The following NAV3 variants were observed in gnomAD, a reference collection of about 807,000 sequenced individuals.
NAV3 encodes neuron navigator 3, also known as pore membrane and/or filament interacting like protein 1.
Under a neutral mutation model 244.7 loss-of-function variants are expected in NAV3, and 87 were observed. The observed-to-expected ratio is 0.36, with a 90% CI of 0.30 to 0.42. The LOEUF is 0.42. NAV3 is among the 20% of genes least tolerant of loss of function. NAV3 has a pLI of 1.00. For synonymous variants in NAV3, 1,126 were observed against 1,042.2 expected (o/e 1.08, Z -1.55); for missense variants, 2,663 against 2,893.3 (o/e 0.92, Z 1.83).
chr12:77,791,944 C>G (rs539026298), intron 2 of NAV3, among the ~76,000 whole-genome samples: 1 of 152,286 alleles, frequency 6.6e-6, no homozygotes, highest in East Asian at 1.9e-4. Context: ...CATTTTATAT[C>G]AGAGACTTGA....
At chr12:77,981,969 G>A (rs1869648815) in intron 5 of NAV3, among the ~76,000 whole-genome samples, 1 of 152,034 alleles carries the variant, frequency 6.6e-6, no homozygotes, top group South Asian at 2.1e-4. Flanking sequence ...TAAATAGATA[G>A]GGCCAGAAAC....
chr12:77,989,974 C>G (rs555073143), intron 5 of NAV3, among the ~76,000 whole-genome samples: 3 of 152,204 alleles, frequency 2.0e-5, no homozygotes, highest in South Asian at 4.1e-4. Context: ...TCCAACCATT[C>G]CAAGCTCCTA....
At chr12:77,830,154 T>C (rs371224391), upstream of NAV3, among the ~76,000 whole-genome samples, 65 of 152,324 alleles carry the variant, frequency 4.3e-4, 1 homozygote, top group South Asian at 2.3e-3. Context: ...TATGATTATA[T>C]TAAAATAATT....
chr12:77,720,129 G>A (rs1000149190), intron 2 of NAV3, among the ~76,000 whole-genome samples: 2 of 148,678 alleles, frequency 1.3e-5, no homozygotes, highest in Admixed American at 6.9e-5. Flanking sequence ...TGTATTTCTG[G>A]CATCAGTTTC....
Position 77,848,746 on chromosome 12 carries a change from T to C in NAV3, c.243+17042T>C, listed in dbSNP as rs571526748. 1.3e-4 allele frequency among the ~76,000 whole-genome samples: 20 copies of C among 152,318 alleles called. 1 individual carries two copies. The South Asian group carries it at 2.3e-3, about 17-fold the overall frequency. On this transcript the variant is annotated intron_variant, in intron 1 of 39. Transcript: ENST00000397909. ...ATAAAGAGTTAACTGCCTTATTATC[T>C]GTTGAACAAGATATATGCTACATTT...
chr12:78,177,224 T>A lies in NAV3; in HGVS notation c.5208T>A (p.Thr1736=), dbSNP rs1244451713. The A allele has an allele frequency of 6.2e-7, 1 of 1,613,584 alleles. No homozygotes were observed. The highest frequency in any genetic ancestry group is 8.5e-7 in the Non-Finnish European group (1 of 1,179,620). Residue 1736 remains threonine (T), a synonymous_variant, in exon 27 of 40, where the codon ACT becomes ACA. Transcript: ENST00000397909. Reference sequence around the variant, plus strand: ...CACATTCTGACATTGAAGAGCTTACTGATTCATCCCTTCCGGCATCCCCCA... The same window carrying A: ...CACATTCTGACATTGAAGAGCTTACAGATTCATCCCTTCCGGCATCCCCCA... ...PSSHSDIEEL[T]DSSLPASPKL... is the part of the protein sequence containing the mutation.
chr12:77,595,046 C>T (rs78689967), intron 2 of NAV3, among the ~76,000 whole-genome samples: 26,619 of 152,072 alleles, frequency 0.18, 2,683 homozygotes, highest in Admixed American at 0.23. Context: ...CTAGCAATCC[C>T]TCTTCTAGGT....
intron 1 of NAV3, among the ~76,000 whole-genome samples, chr12:77,837,130 G>C (rs965567499): frequency 6.6e-6 from 1 of 151,888 alleles, no homozygotes; most frequent in Non-Finnish European, 1.5e-5. Flanking sequence ...TATGAATGGA[G>C]CATTCAGAAA....
intron 10 of NAV3, 114 bp from the exon 11 acceptor site, chr12:78,050,650 G>T (rs1189454105): frequency 1.9e-6 from 2 of 1,076,226 alleles, no homozygotes; most frequent in Non-Finnish European, 2.7e-6. Flanking sequence ...CTTTCGGGAA[G>T]ATGACGTGTT....
intron 1 of NAV3, among the ~76,000 whole-genome samples, chr12:77,880,241 A>G (rs1882454462): frequency 6.6e-6 from 1 of 152,096 alleles, no homozygotes; most frequent in South Asian, 2.1e-4. Context: ...TTTATTTTTC[A>G]TTTGGGGAAG....
chr12:77,590,807 C>G (rs1010263468), intron 2 of NAV3, among the ~76,000 whole-genome samples: 1 of 152,174 alleles, frequency 6.6e-6, no homozygotes, highest in African/African-American at 2.4e-5. Context: ...GTTGTAGCGT[C>G]CTACAGATCT....
chr12:77,901,390 T>G (rs1885270815), intron 1 of NAV3, among the ~76,000 whole-genome samples: 1 of 152,154 alleles, frequency 6.6e-6, no homozygotes, highest in Non-Finnish European at 1.5e-5. Flanking sequence ...CACCTTGAGT[T>G]GATTTTTGTA....
chr12:77,821,443 A>G (rs1872741797), intron 2 of NAV3, among the ~76,000 whole-genome samples: 1 of 152,228 alleles, frequency 6.6e-6, no homozygotes, highest in Non-Finnish European at 1.5e-5. Flanking sequence ...AATATCTGCA[A>G]TAAAGCAGGA....
chr12:78,085,779 C>T (rs1185468677), intron 12 of NAV3, among the ~76,000 whole-genome samples: 1 of 152,000 alleles, frequency 6.6e-6, no homozygotes, highest in South Asian at 2.1e-4. Flanking sequence ...TTTGGGAACA[C>T]AGCATTTTGG....
At chr12:77,629,153 G>A (rs1381448689) in intron 2 of NAV3, among the ~76,000 whole-genome samples, 1 of 152,130 alleles carries the variant, frequency 6.6e-6, no homozygotes, top group East Asian at 1.9e-4. Flanking sequence ...AAGCAATAAA[G>A]TTGTAAAAAA....
chr12:77,659,990 G>A (rs1232768986), intron 2 of NAV3, among the ~76,000 whole-genome samples: 2 of 151,628 alleles, frequency 1.3e-5, no homozygotes, highest in African/African-American at 2.4e-5. Context: ...GGATAGCACT[G>A]GGAGATATAC....
At chr12:77,821,230 TGTTA>T (rs1287967927) in intron 2 of NAV3, among the ~76,000 whole-genome samples, 2 of 152,100 alleles carry the variant, frequency 1.3e-5, no homozygotes, top group African/African-American at 2.4e-5. Flanking sequence ...AGGATCTGGA[TGTTA>T]GTTAGATCTG....
At chr12:78,124,276 T>G (rs756990150) in intron 16 of NAV3, among the ~76,000 whole-genome samples, 10 of 152,242 alleles carry the variant, frequency 6.6e-5, no homozygotes, top group Non-Finnish European at 1.3e-4. Context: ...TGCATAGCTA[T>G]AACCAAAATG....
chr12:77,685,394 TTC>T (rs1874674632), intron 2 of NAV3, among the ~76,000 whole-genome samples: 1 of 151,972 alleles, frequency 6.6e-6, no homozygotes, highest in Non-Finnish European at 1.5e-5. Context: ...TGAACTTCAT[TTC>T]TCTCTTTGTT....
Sources: gnomAD v4.1 joint callset for allele counts (sites outside exome capture counted in the v4.1 genomes callset) on GRCh38, gnomAD v4.1.1 for gene constraint, MANE v1.5 for transcripts, NCBI Gene and HGNC (gene_info 2026-07-23, HGNC 2026-07-21) for gene names.